GALNT16: variants seen among roughly 807,000 people sequenced by gnomAD.
GALNT16 encodes the protein UDP-GalNAc:polypeptide N-acetylgalactosaminyltransferase-like protein 1.
A neutral mutation model predicts 76.1 loss-of-function variants in GALNT16; 40 were observed. The observed-to-expected ratio is 0.53, with a 90% CI of 0.41 to 0.68. GALNT16 has a LOEUF of 0.68. Ranked by LOEUF, GALNT16 falls within the 30% of genes least tolerant of loss-of-function variation. GALNT16 has a pLI of 0.00. For synonymous variants in GALNT16, 276 were observed against 285.2 expected (o/e 0.97, Z 0.32); for missense variants, 621 against 731.9 (o/e 0.85, Z 1.75).
intron 1 of GALNT16, among the ~76,000 whole-genome samples, chr14:69,272,497 A>G (rs1431297435): frequency 1.3e-5 from 2 of 152,198 alleles, no homozygotes; most frequent in Non-Finnish European, 2.9e-5. Context: ...TCAGATTATA[A>G]TGGAACTGAA....
At chr14:69,338,949 G>T (rs1489203475) in intron 10 of GALNT16, among the ~76,000 whole-genome samples, 172 bp downstream of exon 10, 1 of 152,066 alleles carries the variant, frequency 6.6e-6, no homozygotes, top group African/African-American at 2.4e-5. Context: ...CTTCAGGGGT[G>T]GAGGGAGTTG....
intron 1 of GALNT16, among the ~76,000 whole-genome samples, chr14:69,316,094 C>G (rs2045095873): frequency 6.6e-6 from 1 of 152,166 alleles, no homozygotes; most frequent in East Asian, 1.9e-4. Flanking sequence ...CTTGTGCTCA[C>G]CCTTGTGGTG....
rs34159752 is a variant in GALNT16 at position 69,316,782 on chromosome 14, G to GGT, written c.178-3928_178-3927insTG. On this transcript the variant is annotated intron_variant, in intron 1 of 14. Transcript: ENST00000448469. ...TGGGGGCTTGTAGTCTGTGAGGGGG[G>GGT]GGGGCACTGAAGGTCACGTGATGTA... Among the ~76,000 whole-genome samples, 28 of 139,694 alleles carry GGT rather than the reference G, an allele frequency of 2.0e-4. 1 individual carries two copies. Among genetic ancestry groups the GGT allele is most frequent in the African/African-American group, 7.4e-4 (27 of 36,614 alleles). 91.6% of individuals were successfully genotyped at this position (139,694 alleles called of 152,430 possible).
chr14:69,299,033 A>G (rs559604813), intron 1 of GALNT16, among the ~76,000 whole-genome samples: 1 of 152,246 alleles, frequency 6.6e-6, no homozygotes, highest in East Asian at 1.9e-4. Context: ...GACAATTTGG[A>G]TGAAGCATAA....
chr14:69,379,203 G>A, the GALNT16 span, among the ~76,000 whole-genome samples: 1 of 152,186 alleles, frequency 6.6e-6, no homozygotes, highest in African/African-American at 2.4e-5. Context: ...ACCTCCCAAA[G>A]TGCTGGGATT....
chr14:69,333,148 C>T lies in GALNT16; in HGVS notation c.842C>T (p.Thr281Ile). ...CCTCTTGAGCAGAAGATGACCCGGA[C>T]AGACCCCACCAGGCCCATAAGGTCA... ...QIPLEQKMTR[T>I]DPTRPIRTPV... The change falls in exon 8 of 15, where the codon ACA becomes ATA. Residue 281 changes from threonine (T) to isoleucine (I), a missense_variant. Physicochemically the swap from Thr to Ile is moderately conservative, Grantham distance 89. Transcript: ENST00000448469. The surrounding 1 kb of genome is among the most constrained non-coding windows in gnomAD (Gnocchi z 4.2). 11 of 1,612,172 alleles carry T rather than the reference C, an allele frequency of 6.8e-6. No homozygotes were observed. The highest frequency in any genetic ancestry group is 1.3e-5 in the African/African-American group (1 of 75,028).
chr14:69,280,949 C>T (rs555730494), intron 1 of GALNT16, among the ~76,000 whole-genome samples: 2 of 152,224 alleles, frequency 1.3e-5, no homozygotes, highest in South Asian at 4.2e-4. Context: ...CCACTGCCTT[C>T]GCTGCAGTGA....
intron 1 of GALNT16, among the ~76,000 whole-genome samples, chr14:69,266,393 T>A (rs1326748661): frequency 1.3e-5 from 2 of 152,208 alleles, no homozygotes. Flanking sequence ...TTAAAACATA[T>A]TTGGTGACTG....
the GALNT16 span, among the ~76,000 whole-genome samples, chr14:69,373,481 C>T: frequency 2.6e-5 from 4 of 152,172 alleles, no homozygotes; most frequent in Non-Finnish European, 5.9e-5. Context: ...TTTAAACCAA[C>T]CTTTTCACAG....
At position 69,333,734 on chromosome 14, in the gene GALNT16, G is replaced by T. The variant is rs1460891274; in HGVS notation, c.967+134G>T. On this transcript the variant is annotated intron_variant, in intron 9 of 14. Coordinates refer to ENST00000448469, the MANE Select transcript of GALNT16 (RefSeq NM_001168368.2). This position sits in a 1 kb window ranked among gnomAD's most constrained non-coding sequence, Gnocchi z 4.2. ...CATGAGGTCATTTAATTCTCTCAAGGACCCTCTGAGGTAAGTACCATGATC... is the reference window on the plus strand; with the variant it reads ...CATGAGGTCATTTAATTCTCTCAAGTACCCTCTGAGGTAAGTACCATGATC... 1 of 598,976 alleles carries T rather than the reference G, an allele frequency of 1.7e-6. No individual in the cohort carries two copies. The highest frequency in any genetic ancestry group is 2.9e-6 in the Non-Finnish European group (1 of 339,882). The allele number at this position is 598,976 out of a possible 1,614,324, so 37.1% of individuals were successfully genotyped here. A position where few individuals can be genotyped will look rare whatever the true frequency, so the allele number is the denominator to read the frequency against.
intron 1 of GALNT16, among the ~76,000 whole-genome samples, chr14:69,319,832 T>C (rs1250606380): frequency 6.6e-6 from 1 of 152,264 alleles, no homozygotes; most frequent in East Asian, 1.9e-4. Flanking sequence ...CATCACTGTC[T>C]GAGCACTTGA....
In GALNT16 at chr14:69,333,040, G is replaced by T; in HGVS notation, c.779-45G>T. 1.4e-6 allele frequency: 2 copies of T among 1,384,642 alleles called. No individual in the cohort carries two copies. Among genetic ancestry groups the T allele is most frequent in the Non-Finnish European group, 2.1e-6 (2 of 970,554 alleles). 85.8% of individuals were successfully genotyped at this position (1,384,642 alleles called of 1,614,324 possible). On this transcript the variant is annotated intron_variant, in intron 7 of 14. Transcript: ENST00000448469. The surrounding 1 kb of genome is among the most constrained non-coding windows in gnomAD (Gnocchi z 4.2). Reference sequence around the variant, plus strand: ...GTGGAGTGAAGGGTCTCAGCAGCCCGCAGCTCTGCCCTGAGCTCTGTCCTC... The same window carrying T: ...GTGGAGTGAAGGGTCTCAGCAGCCCTCAGCTCTGCCCTGAGCTCTGTCCTC...
rs111585191 is a variant in GALNT16 at position 69,285,985 on chromosome 14, G to A, written c.177+25518G>A. On this transcript the variant is annotated intron_variant, in intron 1 of 14. Coordinates refer to ENST00000448469, the MANE Select transcript of GALNT16 (RefSeq NM_001168368.2). ...CAGTGCAACCAGTTTCCCACTTCTC[G>A]AAAGAGCCTCTGGTAGGTGTGGCCT... 1.3e-3 allele frequency among the ~76,000 whole-genome samples: 199 copies of A among 152,146 alleles called. 1 individual carries two copies. The highest frequency in any genetic ancestry group is 2.9e-3 in the Admixed American group (44 of 15,284).
chr14:69,266,371 G>A (rs531369597), intron 1 of GALNT16, among the ~76,000 whole-genome samples: 33 of 152,176 alleles, frequency 2.2e-4, no homozygotes, highest in Non-Finnish European at 4.0e-4. Context: ...AAACCAATAA[G>A]GATAATTATT....
At chr14:69,296,488 G>A (rs952837609) in intron 1 of GALNT16, among the ~76,000 whole-genome samples, 1 of 152,098 alleles carries the variant, frequency 6.6e-6, no homozygotes, top group East Asian at 1.9e-4. Context: ...AAGTTCAGGA[G>A]TTCAAGACCA....
chr14:69,300,938 G>A (rs1168026641), intron 1 of GALNT16, among the ~76,000 whole-genome samples: 2 of 152,224 alleles, frequency 1.3e-5, no homozygotes, highest in Admixed American at 1.3e-4. Context: ...GGTACTCAGA[G>A]TACAAGAAAT....
the GALNT16 span, among the ~76,000 whole-genome samples, chr14:69,379,596 T>C: frequency 3.3e-5 from 5 of 152,206 alleles, no homozygotes; most frequent in Non-Finnish European, 7.3e-5. Flanking sequence ...ATGTACTTGC[T>C]GATTGAAAAT....
At chr14:69,379,599 T>C in the GALNT16 span, among the ~76,000 whole-genome samples, 10 of 152,128 alleles carry the variant, frequency 6.6e-5, no homozygotes, top group African/African-American at 1.9e-4. Context: ...TACTTGCTGA[T>C]TGAAAATACA....
At position 69,264,819 on chromosome 14, in the gene GALNT16, C is replaced by CTTTTTTTTTTTTTTTTTTTTTTTTT. The variant is rs60818532; in HGVS notation, c.177+4363_177+4364insTTTTTTTTTTTTTTTTTTTTTTTTT. Among the ~76,000 whole-genome samples, 286 of 96,532 alleles carry CTTTTTTTTTTTTTTTTTTTTTTTTT rather than the reference C, an allele frequency of 3.0e-3. 18 individuals are homozygous for CTTTTTTTTTTTTTTTTTTTTTTTTT. The highest frequency in any genetic ancestry group is 4.7e-3 in the African/African-American group (91 of 19,462). 63.3% of individuals were successfully genotyped at this position (96,532 alleles called of 152,430 possible). A position where few individuals can be genotyped will look rare whatever the true frequency, so the allele number is the denominator to read the frequency against. On this transcript the variant is annotated intron_variant, in intron 1 of 14. Transcript: ENST00000448469. ...TTTATTTTCTCTTTTCTTTTTCTTT[C>CTTTTTTTTTTTTTTTTTTTTTTTTT]TTTTTTTTTTTGGACACAGGGTCTC...
Sources: gnomAD v4.1 joint callset for allele counts (sites outside exome capture counted in the v4.1 genomes callset) on GRCh38, gnomAD v4.1.1 for gene constraint, Gnocchi (gnomAD v3.1) non-coding constraint, MANE v1.5 for transcripts, NCBI Gene and HGNC (gene_info 2026-07-23, HGNC 2026-07-21) for gene names.